DYDC2: variants seen among roughly 807,000 people sequenced by gnomAD.
DYDC2 encodes the protein DPY30 domain containing 2.
A neutral mutation model predicts 18.7 loss-of-function variants in DYDC2; 19 were observed. The observed-to-expected ratio is 1.02, with a 90% CI of 0.71 to 1.49. DYDC2 has a LOEUF of 1.49. DYDC2 is among the 40% of genes most tolerant of loss of function. DYDC2 has a pLI of 0.00. For synonymous variants in DYDC2, 63 were observed against 67.6 expected (o/e 0.93, Z 0.34); for missense variants, 179 against 205.1 (o/e 0.87, Z 0.78).
chr10:80,352,464 C>T, upstream of DYDC2: 1 of 1,601,268 alleles, frequency 6.2e-7, no homozygotes, highest in Non-Finnish European at 8.5e-7. Context: ...CCAGTTGTTC[C>T]ATGGTCACAT....
At chr10:80,350,319 G>A (rs995644457) in intron 1 of DYDC2, among the ~76,000 whole-genome samples, 1 of 152,188 alleles carries the variant, frequency 6.6e-6, no homozygotes, top group South Asian at 2.1e-4. Flanking sequence ...AGAGAGTTAT[G>A]TATCTCCCAC....
Position 80,366,764 on chromosome 10 carries a change from C to T in DYDC2, c.347C>T (p.Ala116Val). ...QEDTNPLEKE[A>V]LKQEFLPGTS... ...GACACAAACCCCCTTGAGAAGGAGG[C>T]CTTGAAGCAGGAATTCCTGCCAGGT... The change falls in exon 5 of 5, where the codon GCC becomes GTC. Residue 116 changes from alanine to valine, a missense_variant. Coordinates refer to ENST00000256039, the MANE Select transcript of DYDC2 (RefSeq NM_032372.6). The T allele has an allele frequency of 1.2e-6, 2 of 1,614,104 alleles. No homozygotes were observed. Among genetic ancestry groups the T allele is most frequent in the Non-Finnish European group, 1.7e-6 (2 of 1,180,004 alleles).
At chr10:80,366,251 T>C (rs929514657) in intron 4 of DYDC2, among the ~76,000 whole-genome samples, 3 of 152,106 alleles carry the variant, frequency 2.0e-5, no homozygotes, top group Admixed American at 2.0e-4. Flanking sequence ...CAGGCTGGTC[T>C]CAAACTCCTG....
intron 4 of DYDC2, 149 bp downstream of exon 4, chr10:80,363,222 C>T (rs1161681399): frequency 3.2e-6 from 2 of 629,980 alleles, no homozygotes; most frequent in Non-Finnish European, 4.8e-6. Context: ...CACATATTTG[C>T]ATATAAACCA....
Position 80,362,975 on chromosome 10 carries a change from C to T in DYDC2, c.172C>T (p.Gln58Ter). Residue 58 changes from glutamine to a stop codon, truncating the protein, a stop_gained, in exon 4 of 5, where the codon CAG (glutamine) becomes TAG (stop). Coordinates refer to ENST00000256039, the MANE Select transcript of DYDC2 (RefSeq NM_032372.6). LOFTEE classifies it high-confidence loss of function. The part of the protein sequence containing the change: ...EENREKKIHL[Q>*]EEYDSSLKEM... ...GAATAGGGAAAAGAAGATCCACCTGCAGGAGGAATATGACAGTAGCCTCAA... is the reference window on the plus strand; with the variant it reads ...GAATAGGGAAAAGAAGATCCACCTGTAGGAGGAATATGACAGTAGCCTCAA... 6.2e-7 allele frequency: 1 copy of T among 1,613,736 alleles called. No individual in the cohort carries two copies. The highest frequency in any genetic ancestry group is 1.1e-5 in the South Asian group (1 of 90,946).
chr10:80,351,827 A>C, upstream of DYDC2: 1 of 1,364,418 alleles, frequency 7.3e-7, no homozygotes, highest in Non-Finnish European at 1.0e-6. Context: ...GAAGTTTATC[A>C]ACATTTAGGC....
At chr10:80,346,753 C>G (rs1391358574) in intron 1 of DYDC2, among the ~76,000 whole-genome samples, 1 of 151,886 alleles carries the variant, frequency 6.6e-6, no homozygotes, top group African/African-American at 2.4e-5. Context: ...AGCCACTGCC[C>G]CCGGCCATGT....
At position 80,367,194 on chromosome 10, in the gene DYDC2, C is replaced by T. The variant is rs116643082; in HGVS notation, c.*243C>T. On this transcript the variant is annotated 3_prime_UTR_variant, in exon 5 of 5. Coordinates refer to ENST00000256039, the MANE Select transcript of DYDC2 (RefSeq NM_032372.6). ...TGACTTTTTCCTCTTGTTTTATCAA[C>T]GTTTTGGAGACTACACAATGAAAAC... is the stretch of plus-strand genomic sequence containing the variant. The T allele has an allele frequency of 2.7e-3, 1,171 of 438,992 alleles. 13 individuals carry two copies. The highest frequency in any genetic ancestry group is 0.021 in the African/African-American group (1,035 of 48,880). The allele number at this position is 438,992 out of a possible 1,614,324, so 27.2% of individuals were successfully genotyped here.
upstream of DYDC2, chr10:80,352,427 A>C (rs1277923711): frequency 6.5e-7 from 1 of 1,534,286 alleles, no homozygotes; most frequent in East Asian, 2.3e-5. Context: ...TTTTTCTTCT[A>C]ATTTCCTAGA....
In DYDC2 at chr10:80,366,956, C is replaced by T. The variant is rs1843858038; in HGVS notation, c.*5C>T. 11 of 1,608,332 alleles carry T rather than the reference C, an allele frequency of 6.8e-6. No homozygotes were observed. Among genetic ancestry groups the T allele is most frequent in the African/African-American group, 1.3e-5 (1 of 74,616 alleles). On this transcript the variant is annotated 3_prime_UTR_variant, in exon 5 of 5. Transcript: ENST00000256039. ...GGCTCCAAATCTCCTTTTTAGGTTA[C>T]AGAAGGTAGATGCTTCTGATTTACT...
intron 2 of DYDC2, among the ~76,000 whole-genome samples, chr10:80,358,807 G>C (rs1044172560): frequency 6.6e-6 from 1 of 152,094 alleles, no homozygotes; most frequent in African/African-American, 2.4e-5. Flanking sequence ...TGAAGCCGTG[G>C]ACCCTCACAG....
At chr10:80,366,385 T>C (rs1843838956) in intron 4 of DYDC2, among the ~76,000 whole-genome samples, 1 of 152,198 alleles carries the variant, frequency 6.6e-6, no homozygotes, top group African/African-American at 2.4e-5. Flanking sequence ...GGTTCACATT[T>C]TCCTACTTTT....
upstream of DYDC2, among the ~76,000 whole-genome samples, chr10:80,355,165 G>A (rs1192981930): frequency 6.6e-6 from 1 of 151,704 alleles, no homozygotes; most frequent in African/African-American, 2.4e-5. Flanking sequence ...GAAAGGCCCT[G>A]ATATAGGAAT....
chr10:80,347,059 G>A (rs575889276), intron 1 of DYDC2, among the ~76,000 whole-genome samples: 2 of 151,546 alleles, frequency 1.3e-5, no homozygotes, highest in South Asian at 4.2e-4. Flanking sequence ...CAGCCTGGGT[G>A]AAAGAGCGAG....
intron 1 of DYDC2, among the ~76,000 whole-genome samples, chr10:80,349,796 C>T (rs1589516102): frequency 2.0e-5 from 3 of 152,162 alleles, no homozygotes; most frequent in African/African-American, 4.8e-5. Context: ...ATGAGCAAAA[C>T]CACTGAAAGC....
chr10:80,362,378 T>A, intron 2 of DYDC2, 57 bp from the exon 3 acceptor site: 1 of 1,564,550 alleles, frequency 6.4e-7, no homozygotes, highest in Non-Finnish European at 8.7e-7. Flanking sequence ...AATGTGTCTA[T>A]TTTTAATATC....
chr10:80,364,400 G>A (rs551965012), intron 4 of DYDC2, among the ~76,000 whole-genome samples: 7 of 152,230 alleles, frequency 4.6e-5, no homozygotes, highest in Admixed American at 6.5e-5. Flanking sequence ...ACCTTGCTGT[G>A]CACCTCTAAT....
At chr10:80,348,802 T>A (rs959065985) in intron 1 of DYDC2, among the ~76,000 whole-genome samples, 1 of 152,186 alleles carries the variant, frequency 6.6e-6, no homozygotes, top group Non-Finnish European at 1.5e-5. Context: ...TATACACACA[T>A]AGACTGATAG....
rs774127450 is a variant in DYDC2, at chr10:80,362,924, T to G, written c.148-27T>G. The G allele has an allele frequency of 2.9e-5, 46 of 1,606,110 alleles. 1 individual carries two copies. The highest frequency in any genetic ancestry group is 1.0e-4 in the Admixed American group (6 of 58,740). ...TATAAGGCTTCCCTGGTTGCTGACC[T>G]GATTTGACTCTGTCACCTCACCCCA... On this transcript the variant is annotated intron_variant, in intron 3 of 4. Coordinates refer to ENST00000256039, the MANE Select transcript of DYDC2 (RefSeq NM_032372.6).
Sources: gnomAD v4.1 joint callset for allele counts (sites outside exome capture counted in the v4.1 genomes callset) on GRCh38, gnomAD v4.1.1 for gene constraint, MANE v1.5 for transcripts, NCBI Gene and HGNC (gene_info 2026-07-23, HGNC 2026-07-21) for gene names.